Variants in PKD2 observed in about 807,000 individuals in gnomAD.
PKD2 encodes the protein polycystin-2.
PKD2 carries 48 observed loss-of-function variants against 105.9 expected under a neutral mutation model. The observed-to-expected ratio is 0.45, with a 90% CI of 0.36 to 0.58. PKD2 has a LOEUF of 0.58. Among genes scored for constraint, PKD2 ranks in the 20% least tolerant of loss-of-function variants. The pLI, the probability that PKD2 is intolerant of heterozygous loss-of-function variation, is 0.00. For missense variants in PKD2, 1,078 were observed against 1,255.3 expected, an observed-to-expected ratio of 0.86 and a Z score of 2.13; for synonymous variants, 464 against 481.1, an observed-to-expected ratio of 0.96 and a Z score of 0.46.
At chr4:88,059,937 T>C (rs996531296) in intron 9 of PKD2, among the ~76,000 whole-genome samples, 1 of 152,118 alleles carries the variant, frequency 6.6e-6, no homozygotes, top group Non-Finnish European at 1.5e-5. Flanking sequence ...AAGAAGTGGC[T>C]CAGCTGAACC....
chr4:88,061,310 G>A (rs903809866), intron 9 of PKD2, among the ~76,000 whole-genome samples: 1 of 152,124 alleles, frequency 6.6e-6, no homozygotes, highest in African/African-American at 2.4e-5. Flanking sequence ...CGCACCATTA[G>A]TAGGTAAATA....
At chr4:88,033,067 A>T (rs1244417920) in intron 2 of PKD2, among the ~76,000 whole-genome samples, 1 of 152,166 alleles carries the variant, frequency 6.6e-6, no homozygotes, top group Non-Finnish European at 1.5e-5. Context: ...GCTGTCATTC[A>T]GGTGTGCCAT....
intron 5 of PKD2, among the ~76,000 whole-genome samples, chr4:88,044,766 C>T (rs565702662): frequency 1.3e-5 from 2 of 151,980 alleles, no homozygotes; most frequent in Non-Finnish European, 2.9e-5. Context: ...CACATGAAGT[C>T]GGGTGTGGAA....
intron 1 of PKD2, among the ~76,000 whole-genome samples, chr4:88,016,398 G>A (rs1726563686): frequency 6.6e-6 from 1 of 152,234 alleles, no homozygotes. Context: ...CTATGGGAAA[G>A]ACAACAGTTG....
At chr4:88,042,528 T>G (rs1727605054) in intron 4 of PKD2, among the ~76,000 whole-genome samples, 1 of 152,202 alleles carries the variant, frequency 6.6e-6, no homozygotes, top group Admixed American at 6.5e-5. Flanking sequence ...TACTCACCTT[T>G]CATGGTTCAG....
chr4:88,049,115 C>A (rs1727880695), intron 6 of PKD2, among the ~76,000 whole-genome samples: 1 of 152,206 alleles, frequency 6.6e-6, no homozygotes, highest in Non-Finnish European at 1.5e-5. Context: ...GTGGTATTCA[C>A]CCTTTTTGAT....
chr4:88,039,119 A>C (rs1430654314), intron 4 of PKD2, among the ~76,000 whole-genome samples: 1 of 152,156 alleles, frequency 6.6e-6, no homozygotes, highest in East Asian at 1.9e-4. Context: ...AAGAAACAAG[A>C]AGACCTCCAA....
At chr4:88,038,584 G>A in intron 4 of PKD2, 83 bp downstream of exon 4, 1 of 1,440,610 alleles carries the variant, frequency 6.9e-7, no homozygotes, top group Non-Finnish European at 9.8e-7. Flanking sequence ...TTCATTCCCT[G>A]ACACCTTCAC....
intron 3 of PKD2, among the ~76,000 whole-genome samples, chr4:88,036,648 G>C (rs1727345113): frequency 6.6e-6 from 1 of 152,160 alleles, no homozygotes; most frequent in South Asian, 2.1e-4. Flanking sequence ...TTGTTAATGA[G>C]GAAAATGAGA....
intron 1 of PKD2, among the ~76,000 whole-genome samples, chr4:88,010,927 A>G (rs1726362097): frequency 6.6e-6 from 1 of 152,204 alleles, no homozygotes; most frequent in Non-Finnish European, 1.5e-5. Flanking sequence ...TAATCAAGGA[A>G]TTGAGAATGT....
chr4:88,070,388 T>G (rs1367973891), intron 13 of PKD2, among the ~76,000 whole-genome samples: 1 of 151,844 alleles, frequency 6.6e-6, no homozygotes, highest in African/African-American at 2.4e-5. Flanking sequence ...ACCCGCATTA[T>G]GCATATGCTT....
Position 88,008,188 on chromosome 4 carries a change from G to C in PKD2, c.455G>C (p.Gly152Ala). 2.9e-6 allele frequency: 4 copies of C among 1,365,422 alleles called. No individual in the cohort carries two copies. Among genetic ancestry groups the C allele is most frequent in the Non-Finnish European group, 3.7e-6 (4 of 1,068,364 alleles). The allele number at this position is 1,365,422 out of a possible 1,614,324, so 84.6% of individuals were successfully genotyped here. A position where few individuals can be genotyped will look rare whatever the true frequency, so the allele number is the denominator to read the frequency against. Residue 152 changes from glycine (G) to alanine (A), a missense_variant, in exon 1 of 15, where the codon GGG becomes GCG. Coordinates refer to ENST00000237596, the MANE Select transcript of PKD2 (RefSeq NM_000297.4). ...GGYHGAGHPS[G>A]RRRRREDQGP... ...TACCACGGCGCGGGCCACCCGAGCG[G>C]GAGGCGGCGCCGGCGAGAGGACCAG... is the stretch of plus-strand genomic sequence containing the variant.
chr4:88,018,029 A>G lies in PKD2; in HGVS notation c.596-1429A>G, dbSNP rs571251110. Among the ~76,000 whole-genome samples, 81 of 152,322 alleles carry G rather than the reference A, an allele frequency of 5.3e-4. 1 individual carries two copies. The highest frequency in any genetic ancestry group is 3.7e-3 in the South Asian group (18 of 4,828). Reference sequence around the variant, plus strand: ...ATTCTAAGTTGTAATTTTCCATGTCATCTAAATTTGTAATAATTCTTTAAT... The same window carrying G: ...ATTCTAAGTTGTAATTTTCCATGTCGTCTAAATTTGTAATAATTCTTTAAT... On this transcript the variant is annotated intron_variant, in intron 1 of 14. Coordinates refer to ENST00000237596, the MANE Select transcript of PKD2 (RefSeq NM_000297.4).
intron 1 of PKD2, among the ~76,000 whole-genome samples, chr4:88,015,263 C>T (rs1461396886): frequency 6.6e-6 from 1 of 152,116 alleles, no homozygotes; most frequent in Non-Finnish European, 1.5e-5. Flanking sequence ...GCATTGCTAC[C>T]CCCTATCATA....
chr4:88,033,119 T>C (rs1727217663), intron 2 of PKD2, among the ~76,000 whole-genome samples: 3 of 152,100 alleles, frequency 2.0e-5, no homozygotes. Context: ...ACTGAGTTAA[T>C]GTTTGCTGAT....
chr4:88,061,883 G>T, intron 9 of PKD2, 23 bp from the exon 10 acceptor site: 1 of 1,046,890 alleles, frequency 9.6e-7, no homozygotes, highest in Non-Finnish European at 1.5e-6. Flanking sequence ...TTTAATTTTT[G>T]CCCTCCTTTC....
Position 88,046,640 on chromosome 4 carries a change from A to G in PKD2, c.1320-2A>G. 1 of 1,538,370 alleles carries G rather than the reference A, an allele frequency of 6.5e-7. No homozygotes were observed. Among genetic ancestry groups the G allele is most frequent in the Non-Finnish European group, 9.0e-7 (1 of 1,110,928 alleles). ...GTTTTAATTGTTCTTATTTACATGC[A>G]GGTTATTGGTTGAATTCCCAGCAAC... is the stretch of plus-strand genomic sequence containing the variant. On this transcript the variant is annotated splice_acceptor_variant, in intron 5 of 14. Coordinates refer to ENST00000237596, the MANE Select transcript of PKD2 (RefSeq NM_000297.4). LOFTEE classifies it high-confidence loss of function.
chr4:88,065,312 TA>T, intron 10 of PKD2, 61 bp from the exon 11 acceptor site: 13 of 1,506,636 alleles, frequency 8.6e-6, no homozygotes, highest in Non-Finnish European at 1.2e-5. Context: ...GAATGGAAAG[TA>T]AAACAGATGC....
intron 5 of PKD2, among the ~76,000 whole-genome samples, chr4:88,046,385 A>G (rs761476555): frequency 5.9e-5 from 9 of 152,304 alleles, no homozygotes; most frequent in Non-Finnish European, 1.2e-4. Context: ...AAATATAGAA[A>G]AGTGTAGGGA....
Sources: allele counts gnomAD v4.1 joint callset (sites outside exome capture counted in the v4.1 genomes callset), GRCh38; gene constraint gnomAD v4.1.1; transcripts MANE v1.5; gene names NCBI Gene and HGNC (gene_info 2026-07-23, HGNC 2026-07-21).